Variants in DDO observed in about 807,000 individuals in gnomAD.
The protein encoded by DDO is D-aspartate oxidase.
Under a neutral mutation model 16.8 loss-of-function variants are expected in DDO, and 16 were observed. The observed-to-expected ratio is 0.95, with a 90% CI of 0.65 to 1.45. The LOEUF is 1.45. Ranked by LOEUF, DDO falls within the 40% of genes most tolerant of loss-of-function variation. The pLI is 0.00. For missense variants in DDO, 429 were observed against 420.3 expected (o/e 1.02, Z -0.18); for synonymous variants, 180 against 167.2 (o/e 1.08, Z -0.59).
intron 2 of DDO, among the ~76,000 whole-genome samples, chr6:110,409,445 T>G (rs1314926674): frequency 2.0e-5 from 3 of 152,206 alleles, no homozygotes; most frequent in Non-Finnish European, 4.4e-5. Flanking sequence ...GAGAGGATGC[T>G]AAGTTGGTTC....
chr6:110,410,014 G>C (rs1379231038), intron 2 of DDO, among the ~76,000 whole-genome samples: 4 of 152,196 alleles, frequency 2.6e-5, no homozygotes, highest in Non-Finnish European at 1.5e-5. Flanking sequence ...CTATGTGCCA[G>C]GTACTGTTCT....
At position 110,408,339 on chromosome 6, in the gene DDO, T is replaced by C. The variant is rs1283924188; in HGVS notation, c.276A>G (p.Val92=). The C allele has an allele frequency of 1.2e-6, 2 of 1,614,012 alleles. No individual in the cohort carries two copies. The highest frequency in any genetic ancestry group is 1.7e-6 in the Non-Finnish European group (2 of 1,179,892). The change falls in exon 3 of 5, where the codon GTA becomes GTG. Residue 92 remains valine, a synonymous_variant. Coordinates refer to ENST00000368924, the MANE Select transcript of DDO (RefSeq NM_001372108.2). ...CTTCAAATTTCTTCACTTACCCTGA[T>C]ACCAAATGAACACCAGCATCTCCAG... The part of the protein sequence containing the change: ...AEAGDAGVHL[V]SGWQIFQSTP...
chr6:110,401,095 T>A (rs1192423031), intron 4 of DDO, among the ~76,000 whole-genome samples: 1 of 152,218 alleles, frequency 6.6e-6, no homozygotes, highest in Non-Finnish European at 1.5e-5. Flanking sequence ...AGGGAAGATA[T>A]GGATAGAGCG....
At chr6:110,390,347 G>A (rs1582464277), downstream of DDO, among the ~76,000 whole-genome samples, 1 of 152,214 alleles carries the variant, frequency 6.6e-6, no homozygotes, top group East Asian at 1.9e-4. Context: ...ATTTCATAAA[G>A]CAGGCCTGGG....
chr6:110,413,744 T>G (rs1443625591), intron 1 of DDO, among the ~76,000 whole-genome samples: 2 of 152,172 alleles, frequency 1.3e-5, no homozygotes, highest in African/African-American at 4.8e-5. Context: ...GGTCTGCATT[T>G]GGAGGAGTTT....
intron 4 of DDO, among the ~76,000 whole-genome samples, chr6:110,399,578 G>A (rs988004620): frequency 8.5e-5 from 12 of 141,280 alleles, no homozygotes; most frequent in African/African-American, 2.8e-4. Context: ...CTGAAAGGCC[G>A]GACTTGGGCT....
At chr6:110,391,365 T>A (rs1773095864), downstream of DDO, among the ~76,000 whole-genome samples, 1 of 151,562 alleles carries the variant, frequency 6.6e-6, no homozygotes, top group East Asian at 1.9e-4. Context: ...TTTTTTTTTT[T>A]TTGAGACGGA....
At chr6:110,407,769 C>A (rs892427739) in intron 3 of DDO, among the ~76,000 whole-genome samples, 1 of 152,166 alleles carries the variant, frequency 6.6e-6, no homozygotes, top group Non-Finnish European at 1.5e-5. Context: ...CTCAAATTTT[C>A]ATTTAATTAT....
chr6:110,402,746 A>G (rs1417906065), intron 4 of DDO, among the ~76,000 whole-genome samples: 6 of 152,218 alleles, frequency 3.9e-5, no homozygotes, highest in Admixed American at 3.3e-4. Context: ...ATCTGTATGA[A>G]GAGTTTGTTA....
chr6:110,400,879 C>G (rs1773465206), intron 4 of DDO, among the ~76,000 whole-genome samples: 1 of 152,242 alleles, frequency 6.6e-6, no homozygotes, highest in South Asian at 2.1e-4. Flanking sequence ...TCCAGCCATG[C>G]TTTCTTCTTG....
At chr6:110,411,102 G>A (rs1038786384) in intron 2 of DDO, among the ~76,000 whole-genome samples, 12 of 152,128 alleles carry the variant, frequency 7.9e-5, no homozygotes, top group East Asian at 1.9e-4. Flanking sequence ...GCTGGCATCC[G>A]GGCCTTCATC....
intron 3 of DDO, among the ~76,000 whole-genome samples, chr6:110,407,871 A>G (rs1358696315): frequency 1.3e-5 from 2 of 152,234 alleles, no homozygotes; most frequent in Admixed American, 1.3e-4. Context: ...TCAAAAGGCA[A>G]GTTTAGTGAC....
chr6:110,405,209 A>T (rs1043537954), intron 3 of DDO, among the ~76,000 whole-genome samples: 4 of 152,034 alleles, frequency 2.6e-5, no homozygotes, highest in Admixed American at 6.6e-5. Context: ...ACTAATTTTT[A>T]AAATTATTTG....
intron 4 of DDO, among the ~76,000 whole-genome samples, chr6:110,400,556 C>T (rs188459842): frequency 1.3e-5 from 2 of 152,338 alleles, no homozygotes; most frequent in African/African-American, 4.8e-5. Flanking sequence ...GGCCTTCATG[C>T]CCCCTCCCTG....
At chr6:110,411,189 AT>A (rs1395302840) in intron 2 of DDO, among the ~76,000 whole-genome samples, 1 of 152,140 alleles carries the variant, frequency 6.6e-6, no homozygotes, top group Admixed American at 6.5e-5. Context: ...ACTGAATGAC[AT>A]CACAGATGTC....
intron 4 of DDO, among the ~76,000 whole-genome samples, chr6:110,393,805 T>C (rs1037071338): frequency 3.3e-5 from 5 of 152,184 alleles, no homozygotes; most frequent in African/African-American, 1.2e-4. Context: ...ACAGGGGTCA[T>C]ATCCCCACCA....
At chr6:110,407,040 A>G (rs922231811) in intron 3 of DDO, among the ~76,000 whole-genome samples, 8 of 152,214 alleles carry the variant, frequency 5.3e-5, no homozygotes, top group Non-Finnish European at 1.2e-4. Flanking sequence ...GGTATTACTA[A>G]ATTGCTCACT....
chr6:110,399,586 G>A (rs1051797927), intron 4 of DDO, among the ~76,000 whole-genome samples: 2 of 152,032 alleles, frequency 1.3e-5, no homozygotes, highest in Non-Finnish European at 2.9e-5. Context: ...CCGGACTTGG[G>A]CTGAGAGGAG....
At chr6:110,405,146 C>G (rs1203102141) in intron 3 of DDO, among the ~76,000 whole-genome samples, 196 bp from the exon 4 acceptor site, 2 of 152,192 alleles carry the variant, frequency 1.3e-5, no homozygotes, top group Non-Finnish European at 2.9e-5. Flanking sequence ...AGGCAATCCT[C>G]CCACCTCAGC....
Sources: allele counts gnomAD v4.1 joint callset (sites outside exome capture counted in the v4.1 genomes callset), GRCh38; gene constraint gnomAD v4.1.1; transcripts MANE v1.5; gene names NCBI Gene and HGNC (gene_info 2026-07-23, HGNC 2026-07-21).